The following PECR variants were observed in gnomAD, a reference collection of about 807,000 sequenced individuals.
PECR encodes peroxisomal trans-2-enoyl-CoA reductase, also known as 2,4-dienoyl-CoA reductase-related protein.
In PECR, 30 loss-of-function variants were observed where a neutral mutation model predicts 35.3. The observed-to-expected ratio is 0.85, with a 90% CI of 0.64 to 1.15. The LOEUF (loss-of-function observed/expected upper bound fraction) is 1.15, where lower values mean the gene tolerates loss of function less well. PECR is among the 50% of genes most tolerant of loss of function. The probability of loss-of-function intolerance (pLI) is 0.00; values close to 1 mark genes in which losing one functional copy is unlikely to be tolerated. For synonymous variants in PECR, 148 were observed against 138.9 expected (o/e 1.07, Z -0.46); for missense variants, 392 against 370.8 (o/e 1.06, Z -0.47).
chr2:216,046,680 C>T (rs776609777), intron 6 of PECR, among the ~76,000 whole-genome samples: 10 of 152,056 alleles, frequency 6.6e-5, no homozygotes, highest in Non-Finnish European at 1.2e-4. Context: ...AAATATTACT[C>T]TTAGTTTTCA....
At chr2:216,056,330 T>C (rs1292092888) in intron 4 of PECR, among the ~76,000 whole-genome samples, 1 of 152,106 alleles carries the variant, frequency 6.6e-6, no homozygotes, top group East Asian at 1.9e-4. Context: ...TCTTTCAAAT[T>C]GTAAATTACA....
chr2:216,032,250 C>T (rs1012033896), intron 7 of PECR, among the ~76,000 whole-genome samples: 5 of 152,130 alleles, frequency 3.3e-5, no homozygotes, highest in African/African-American at 1.2e-4. Flanking sequence ...GTAACTCAGT[C>T]CAGAGAAATG....
intron 1 of PECR, among the ~76,000 whole-genome samples, chr2:216,070,175 TTTA>T (rs1185492425): frequency 6.6e-6 from 1 of 152,198 alleles, no homozygotes; most frequent in African/African-American, 2.4e-5. Flanking sequence ...TTTTTAAATT[TTTA>T]TTTTTAACTG....
At chr2:216,060,429 A>G (rs1695314079) in intron 3 of PECR, among the ~76,000 whole-genome samples, 1 of 152,198 alleles carries the variant, frequency 6.6e-6, no homozygotes, top group Non-Finnish European at 1.5e-5. Flanking sequence ...TGGCAGGTCA[A>G]GGTGAGAGGA....
chr2:216,043,115 A>ATATATTT (rs1553560262), intron 7 of PECR, among the ~76,000 whole-genome samples: 6 of 134,434 alleles, frequency 4.5e-5, no homozygotes, highest in Non-Finnish European at 9.5e-5. Context: ...ATATATATAT[A>ATATATTT]TTTTTTTTTG....
At chr2:216,059,388 A>G (rs1695290652) in intron 3 of PECR, among the ~76,000 whole-genome samples, 1 of 152,204 alleles carries the variant, frequency 6.6e-6, no homozygotes, top group Non-Finnish European at 1.5e-5. Context: ...ACTTAGAATC[A>G]TGTTTGTGAG....
chr2:216,065,162 A>G, intron 3 of PECR, 150 bp downstream of exon 3: 2 of 731,930 alleles, frequency 2.7e-6, no homozygotes, highest in Non-Finnish European at 5.0e-6. Context: ...CCAAATTACT[A>G]TACTGAAATG....
chr2:216,080,064 G>GT (rs1156573743), intron 1 of PECR, among the ~76,000 whole-genome samples: 1 of 151,598 alleles, frequency 6.6e-6, no homozygotes, highest in Non-Finnish European at 1.5e-5. Context: ...ATTTCTCCAA[G>GT]TAAGTCTTCA....
Position 216,043,924 on chromosome 2 carries a change from G to A in PECR, c.806C>T (p.Thr269Ile), listed in dbSNP as rs374888148. The change falls in exon 7 of 8, where the codon ACT becomes ATT. Residue 269 changes from threonine to isoleucine, a missense_variant. Thr to Ile is a moderately conservative substitution (Grantham distance 89). Coordinates refer to ENST00000265322, the MANE Select transcript of PECR (RefSeq NM_018441.6). ...VDVDGGRSLY[T>I]HSYEVPDHDN... Reference sequence around the variant, plus strand: ...CTCACCTGGTACCTCATACGAGTGAGTATAGAGACTCCGGCCCCCATCCAC... The same window carrying A: ...CTCACCTGGTACCTCATACGAGTGAATATAGAGACTCCGGCCCCCATCCAC... 80 of 1,595,790 alleles carry A rather than the reference G, an allele frequency of 5.0e-5. No individual in the cohort carries two copies. The highest frequency in any genetic ancestry group is 5.0e-4 in the South Asian group (45 of 90,770).
At position 216,039,280 on chromosome 2, in the gene PECR, G is replaced by A. The variant is rs1323873904; in HGVS notation, c.907C>T (p.Leu303Phe). The change falls in exon 8 of 8, where the codon CTC becomes TTC. Residue 303 changes from leucine (L) to phenylalanine (F), a missense_variant. Physicochemically the swap from Leu to Phe is conservative, Grantham distance 22 (BLOSUM62 0). Transcript: ENST00000265322. ...MKETFKEKAK[L>F] ...GGACACCTTGTTTCCTCAGCTCAGA[G>A]CTTAGCTTTCTCCTTAAAGGTCTCC... 1 of 1,576,254 alleles carries A rather than the reference G, an allele frequency of 6.3e-7. No individual in the cohort carries two copies. Among genetic ancestry groups the A allele is most frequent in the Non-Finnish European group, 8.7e-7 (1 of 1,145,694 alleles).
At chr2:216,030,952 T>TCACACA (rs1219324655) in intron 7 of PECR, among the ~76,000 whole-genome samples, 40 of 107,020 alleles carry the variant, frequency 3.7e-4, no homozygotes, top group Non-Finnish European at 5.9e-4. Context: ...TCTCTCTCTC[T>TCACACA]CTCTCACACA....
chr2:216,048,296 C>T (rs924231338), intron 6 of PECR, among the ~76,000 whole-genome samples: 6 of 150,042 alleles, frequency 4.0e-5, no homozygotes, highest in East Asian at 4.0e-4. Flanking sequence ...AGGATGGTCT[C>T]GATCTTCTGA....
rs1476265291 is a variant in PECR at position 216,057,851 on chromosome 2, A to G, written c.506+1044T>C. On this transcript the variant is annotated intron_variant, in intron 4 of 7. Coordinates refer to ENST00000265322, the MANE Select transcript of PECR (RefSeq NM_018441.6). ...CATAACCAGGCAGGGTCAGTTAATG[A>G]GTATCCTCTCTGGGACCTGCTGGCA... The G allele has an allele frequency of 2.0e-5, 3 of 152,138 alleles. No individual in the cohort carries two copies. The East Asian group carries it at 5.8e-4, about 29-fold the overall frequency. The allele number at this position is 152,138 out of a possible 1,614,324, so 9.4% of individuals were successfully genotyped here.
At chr2:216,031,755 T>A (rs1299073260) in intron 7 of PECR, among the ~76,000 whole-genome samples, 1 of 151,334 alleles carries the variant, frequency 6.6e-6, no homozygotes, top group African/African-American at 2.4e-5. Context: ...TTTACCCCAA[T>A]TCCCCTAATG....
intron 1 of PECR, among the ~76,000 whole-genome samples, chr2:216,069,531 G>A (rs1248043502): frequency 1.3e-5 from 2 of 152,166 alleles, no homozygotes; most frequent in Non-Finnish European, 2.9e-5. Context: ...AGAAACTACA[G>A]AAAGCCAAAA....
At chr2:216,057,385 C>T (rs1337511232) in intron 4 of PECR, among the ~76,000 whole-genome samples, 1 of 152,096 alleles carries the variant, frequency 6.6e-6, no homozygotes, top group Non-Finnish European at 1.5e-5. Context: ...TCTCTTTAGA[C>T]TCTGTTAAGA....
At position 216,066,538 on chromosome 2, in the gene PECR, G is replaced by C; in HGVS notation, c.125-20C>G. ...TACTCCCTGAGGAGAAACAGCCAGAGAACAAATAAATATGCCTTCATGGGA... is the reference window on the plus strand; with the variant it reads ...TACTCCCTGAGGAGAAACAGCCAGACAACAAATAAATATGCCTTCATGGGA... On this transcript the variant is annotated intron_variant, in intron 1 of 7. Transcript: ENST00000265322. 1 of 1,609,266 alleles carries C rather than the reference G, an allele frequency of 6.2e-7. No homozygotes were observed. The highest frequency in any genetic ancestry group is 1.1e-5 in the South Asian group (1 of 91,028).
intron 1 of PECR, among the ~76,000 whole-genome samples, chr2:216,070,184 AACTG>A (rs539163697): frequency 5.4e-4 from 83 of 152,368 alleles, no homozygotes; most frequent in Middle Eastern, 3.4e-3. Context: ...TTTTATTTTT[AACTG>A]ACAAATAACT....
intron 1 of PECR, among the ~76,000 whole-genome samples, chr2:216,068,243 A>C (rs1053130546): frequency 1.3e-5 from 2 of 151,498 alleles, no homozygotes; most frequent in East Asian, 1.9e-4. Context: ...AAAAAAAAAA[A>C]AAAAACCGGA....
Sources: gnomAD v4.1 joint callset for allele counts (sites outside exome capture counted in the v4.1 genomes callset) on GRCh38, gnomAD v4.1.1 for gene constraint, MANE v1.5 for transcripts, NCBI Gene and HGNC (gene_info 2026-07-23, HGNC 2026-07-21) for gene names.